HDAC9: variants seen among roughly 807,000 people sequenced by gnomAD.
The protein encoded by HDAC9 is MEF-2 interacting transcription repressor (MITR) protein.
In HDAC9, 41 loss-of-function variants were observed where a neutral mutation model predicts 139.4. That is an observed-to-expected ratio of 0.29 (90% confidence interval 0.23 to 0.38). The LOEUF (loss-of-function observed/expected upper bound fraction) is 0.38. Ranked by LOEUF, HDAC9 falls within the 10% of genes least tolerant of loss-of-function variation. The probability of loss-of-function intolerance (pLI) is 1.00; values close to 1 mark genes in which losing one functional copy is unlikely to be tolerated. For missense variants in HDAC9, 1,147 were observed against 1,297.0 expected (o/e 0.88, Z 1.78); for synonymous variants, 517 against 476.2 (o/e 1.09, Z -1.12).
intron 17 of HDAC9, among the ~76,000 whole-genome samples, chr7:18,813,125 GTCTGTT>G (rs67187331): frequency 0.031 from 4,721 of 151,934 alleles, 102 homozygotes; most frequent in Admixed American, 0.056. Flanking sequence ...TCATTTGTGA[GTCTGTT>G]TCTATTATCT....
At position 18,333,729 on chromosome 7, in the gene HDAC9, G is replaced by A. The variant is rs191188344; in HGVS notation, c.-42+43214G>A. 4.7e-3 allele frequency among the ~76,000 whole-genome samples: 708 copies of A among 151,340 alleles called. 4 individuals carry two copies. Among genetic ancestry groups the A allele is most frequent in the African/African-American group, 0.016 (666 of 41,400 alleles). ...AGCAAATCATTTAGGTATTTTTTAA[G>A]GTAAAATTTAAACATAATCTAGCAA... On this transcript the variant is annotated intron_variant, in intron 1 of 3. Coordinates refer to the HDAC9 transcript ENST00000413509.
chr7:18,167,484 C>G (rs1393963100), intron 2 of HDAC9, among the ~76,000 whole-genome samples: 1 of 152,102 alleles, frequency 6.6e-6, no homozygotes, highest in African/African-American at 2.4e-5. Context: ...TGTAACACTA[C>G]AAACAAACTC....
chr7:18,984,412 A>T (rs1785162731), intron 25 of HDAC9, among the ~76,000 whole-genome samples: 2 of 152,134 alleles, frequency 1.3e-5, no homozygotes, highest in Non-Finnish European at 2.9e-5. Context: ...ATTTATTACC[A>T]TTCGAATTTG....
At chr7:18,381,574 ATAATT>A (rs1785451783) in intron 1 of HDAC9, among the ~76,000 whole-genome samples, 1 of 152,174 alleles carries the variant, frequency 6.6e-6, no homozygotes, top group South Asian at 2.1e-4. Context: ...GGACAAAACT[ATAATT>A]AATAGACAAA....
chr7:18,305,748 A>G (rs918594887), intron 1 of HDAC9, among the ~76,000 whole-genome samples: 2 of 142,494 alleles, frequency 1.4e-5, no homozygotes, highest in African/African-American at 2.9e-5. Flanking sequence ...ACATATGCAT[A>G]GCACACCATG....
chr7:18,457,765 T>A (rs1563007683), intron 1 of HDAC9, among the ~76,000 whole-genome samples: 1 of 151,480 alleles, frequency 6.6e-6, no homozygotes, highest in Non-Finnish European at 1.5e-5. Context: ...AAAAGTATTG[T>A]TAAACTGGCT....
intron 22 of HDAC9, among the ~76,000 whole-genome samples, chr7:18,929,970 C>G (rs1364627612): frequency 1.3e-5 from 2 of 151,952 alleles, no homozygotes; most frequent in Non-Finnish European, 2.9e-5. Context: ...AATATGATTT[C>G]TTAGCAGAAA....
At chr7:18,388,525 A>G (rs755718697) in intron 1 of HDAC9, among the ~76,000 whole-genome samples, 2 of 152,198 alleles carry the variant, frequency 1.3e-5, no homozygotes, top group Non-Finnish European at 2.9e-5. Flanking sequence ...ATAGACTTGT[A>G]GTTTCTTAGT....
At chr7:18,370,356 A>G (rs981674905) in intron 1 of HDAC9, among the ~76,000 whole-genome samples, 1 of 152,184 alleles carries the variant, frequency 6.6e-6, no homozygotes, top group African/African-American at 2.4e-5. Context: ...ACATGATGGT[A>G]TACGACATTG....
intron 2 of HDAC9, among the ~76,000 whole-genome samples, chr7:18,554,820 G>A (rs1818300551): frequency 6.6e-6 from 1 of 152,068 alleles, no homozygotes; most frequent in African/African-American, 2.4e-5. Flanking sequence ...CTATGAACCT[G>A]GTTCTTACAA....
rs1460813484 is a variant in HDAC9 at position 18,815,426 on chromosome 7, C to T, written c.2323-13735C>T. On this transcript the variant is annotated intron_variant, in intron 17 of 25. Coordinates refer to ENST00000686413, the MANE Select transcript of HDAC9 (RefSeq NM_178425.4). ...TACCAAGACCACATCCTGATGATTT[C>T]CCCCGTCACAACAAGACTTTCTTCA... Among the ~76,000 whole-genome samples, 5 of 152,110 alleles carry T rather than the reference C, an allele frequency of 3.3e-5. No individual in the cohort carries two copies. In the East Asian group the frequency reaches 9.6e-4, roughly 29 times the overall value.
At chr7:18,292,460 T>A (rs1797869642) in intron 1 of HDAC9, among the ~76,000 whole-genome samples, 1 of 152,158 alleles carries the variant, frequency 6.6e-6, no homozygotes, top group Non-Finnish European at 1.5e-5. Context: ...ATGGAAAACC[T>A]TTTCTCTAGT....
intron 21 of HDAC9, among the ~76,000 whole-genome samples, chr7:18,864,752 A>T (rs1798365422): frequency 6.6e-6 from 1 of 152,088 alleles, no homozygotes; most frequent in South Asian, 2.1e-4. Flanking sequence ...GGAAGGGGAA[A>T]TGGGAAGTTA....
At chr7:18,279,195 C>T (rs1584976469) in intron 2 of HDAC9, among the ~76,000 whole-genome samples, 1 of 152,022 alleles carries the variant, frequency 6.6e-6, no homozygotes, top group Admixed American at 6.6e-5. Flanking sequence ...CTTGACACAA[C>T]ACAAGGAGAT....
At chr7:18,807,489 T>C (rs888322797) in intron 17 of HDAC9, among the ~76,000 whole-genome samples, 1 of 152,146 alleles carries the variant, frequency 6.6e-6, no homozygotes, top group African/African-American at 2.4e-5. Flanking sequence ...TGGGCTTAGT[T>C]TACTCTTCTT....
At chr7:18,244,994 C>CCTCTATCTATCTATCTGTCTATCTATCT (rs71553924) in intron 2 of HDAC9, among the ~76,000 whole-genome samples, 1 of 147,960 alleles carries the variant, frequency 6.8e-6, no homozygotes, top group Non-Finnish European at 1.5e-5. Flanking sequence ...ATCTAATCTG[C>CCTCTATCTATCTATCTGTCTATCTATCT]ATCTATCTAT....
chr7:18,195,597 G>C (rs552485610), intron 2 of HDAC9, among the ~76,000 whole-genome samples: 22 of 152,120 alleles, frequency 1.4e-4, no homozygotes, highest in Non-Finnish European at 2.8e-4. Context: ...ACTCTAGGGG[G>C]TTCCACTGTT....
At chr7:18,918,110 T>C (rs1803371811) in intron 22 of HDAC9, among the ~76,000 whole-genome samples, 1 of 152,038 alleles carries the variant, frequency 6.6e-6, no homozygotes, top group Non-Finnish European at 1.5e-5. Context: ...TGCAAAGAAA[T>C]GCATTTCTGG....
Position 18,385,335 on chromosome 7 carries a change from T to C in HDAC9, c.-42+94820T>C, listed in dbSNP as rs547324026. On this transcript the variant is annotated intron_variant, in intron 1 of 3. Coordinates refer to the HDAC9 transcript ENST00000413509. ...GTTCTTCTCACAGTATGTGTGCTTC[T>C]AAAATCATATCATTTTCCTTTGGGA... Among the ~76,000 whole-genome samples, 50 of 152,232 alleles carry C rather than the reference T, an allele frequency of 3.3e-4. 1 individual carries two copies. Among genetic ancestry groups the C allele is most frequent in the African/African-American group, 1.2e-3 (50 of 41,544 alleles).
Sources: gnomAD v4.1 joint callset for allele counts (sites outside exome capture counted in the v4.1 genomes callset) on GRCh38, gnomAD v4.1.1 for gene constraint, MANE v1.5 for transcripts, NCBI Gene and HGNC (gene_info 2026-07-23, HGNC 2026-07-21) for gene names.